FILIP1: variants seen among roughly 807,000 people sequenced by gnomAD.
The protein encoded by FILIP1 is filamin A interacting protein 1.
FILIP1 carries 61 observed loss-of-function variants against 102.1 expected under a neutral mutation model. The ratio of observed to expected loss-of-function variants is 0.60; its 90% CI spans 0.49 to 0.74. The LOEUF (loss-of-function observed/expected upper bound fraction) is 0.74, where lower values mean the gene tolerates loss of function less well. Ranked by LOEUF, FILIP1 falls within the 30% of genes least tolerant of loss-of-function variation. The pLI, the probability that FILIP1 is intolerant of heterozygous loss-of-function variation, is 0.00. For missense variants in FILIP1, 1,314 were observed against 1,441.2 expected, an observed-to-expected ratio of 0.91 and a Z score of 1.43; for synonymous variants, 491 against 526.9, an observed-to-expected ratio of 0.93 and a Z score of 0.93.
chr6:75,297,330 A>C (rs542514239), intron 6 of FILIP1, among the ~76,000 whole-genome samples: 1 of 152,286 alleles, frequency 6.6e-6, no homozygotes, highest in South Asian at 2.1e-4. Context: ...ATTACCTGCC[A>C]AAAAGAAAAT....
At chr6:75,296,023 A>C (rs763735390) in intron 6 of FILIP1, 1 of 1,039,914 alleles carries the variant, frequency 9.6e-7, no homozygotes, top group Non-Finnish European at 1.3e-6. Flanking sequence ...ATTTCACTAA[A>C]AGATCATAGA....
intron 1 of FILIP1, among the ~76,000 whole-genome samples, chr6:75,484,143 C>T (rs190685298): frequency 4.1e-4 from 62 of 152,016 alleles, no homozygotes; most frequent in African/African-American, 1.4e-3. Flanking sequence ...AGAAAGGGAC[C>T]CAGAAAGTAA....
intron 1 of FILIP1, among the ~76,000 whole-genome samples, chr6:75,493,010 C>A (rs542947524): frequency 6.6e-6 from 1 of 152,334 alleles, no homozygotes; most frequent in South Asian, 2.1e-4. Flanking sequence ...TTACCAAACA[C>A]AAGCTGCTTA....
chr6:75,351,566 T>C (rs1404477698), intron 4 of FILIP1, among the ~76,000 whole-genome samples: 1 of 152,218 alleles, frequency 6.6e-6, no homozygotes, highest in South Asian at 2.1e-4. Flanking sequence ...TTACCTTTGA[T>C]ATGTTTAGAT....
chr6:75,384,778 C>T (rs1470003164), intron 2 of FILIP1: 1 of 145,744 alleles, frequency 6.9e-6, no homozygotes, highest in Admixed American at 6.9e-5. Context: ...TTTAGAACAA[C>T]AAAAAAATTT....
chr6:75,460,833 G>A (rs1779000743), intron 1 of FILIP1, among the ~76,000 whole-genome samples: 2 of 152,244 alleles, frequency 1.3e-5, no homozygotes, highest in South Asian at 4.1e-4. Context: ...CAGAATACTT[G>A]TTAGCTTTGT....
Position 75,314,208 on chromosome 6 carries a change from C to T in FILIP1, c.1624G>A (p.Asp542Asn). The part of the protein sequence containing the change: ...NFKVEQGKVM[D>N]VTEKLIEESK... ...TCTTCAATTAGTTTTTCAGTTACAT[C>T]CATAACTTTTCCTTGTTCCACCTTA... The change falls in exon 5 of 6, where the codon GAT becomes AAT. Residue 542 changes from aspartate to asparagine, a missense_variant. This residue lies in a region of FILIP1 where 816 missense variants were observed against 913.1 expected (regional missense o/e 0.89). Coordinates refer to ENST00000237172, the MANE Select transcript of FILIP1 (RefSeq NM_015687.5). 6.4e-7 allele frequency: 1 copy of T among 1,561,358 alleles called. No homozygotes were observed. Among genetic ancestry groups the T allele is most frequent in the East Asian group, 2.3e-5 (1 of 42,826 alleles).
intron 4 of FILIP1, among the ~76,000 whole-genome samples, chr6:75,352,878 A>T (rs1774858424): frequency 6.6e-6 from 1 of 151,056 alleles, no homozygotes; most frequent in South Asian, 2.1e-4. Context: ...ATTTAAATGT[A>T]AGTGCTTCAT....
At chr6:75,421,506 C>CAA (rs1351715344) in intron 1 of FILIP1, among the ~76,000 whole-genome samples, 1 of 152,112 alleles carries the variant, frequency 6.6e-6, no homozygotes, top group African/African-American at 2.4e-5. Flanking sequence ...CCGGATCCCT[C>CAA]AAACTTGAGG....
At chr6:75,299,416 T>TA (rs1385953151) in intron 6 of FILIP1, among the ~76,000 whole-genome samples, 1 of 152,198 alleles carries the variant, frequency 6.6e-6, no homozygotes. Context: ...CATAGATAAT[T>TA]ACCACCTCTG....
At chr6:75,376,950 T>C (rs1156385114) in intron 2 of FILIP1, among the ~76,000 whole-genome samples, 2 of 152,216 alleles carry the variant, frequency 1.3e-5, no homozygotes, top group Non-Finnish European at 2.9e-5. Flanking sequence ...CAAAAGATTA[T>C]ATTACAGCAG....
At position 75,485,787 on chromosome 6, in the gene FILIP1, G is replaced by A. The variant is rs558231136; in HGVS notation, c.-7+7627C>T. Among the ~76,000 whole-genome samples, 4 of 152,100 alleles carry A rather than the reference G, an allele frequency of 2.6e-5. No individual in the cohort carries two copies. The East Asian group carries it at 7.7e-4, about 29-fold the overall frequency. On this transcript the variant is annotated intron_variant, in intron 1 of 5. Transcript: ENST00000237172. ...GCCTCTGATCCATAGTAGCAAAATG[G>A]CTGAAAAGCGTCAGGCAATTTTTCT...
chr6:75,341,483 C>T (rs1774419173), intron 4 of FILIP1, among the ~76,000 whole-genome samples: 1 of 151,970 alleles, frequency 6.6e-6, no homozygotes, highest in Admixed American at 6.6e-5. Context: ...ATGTTGAGTC[C>T]TCCAGTCTTA....
intron 1 of FILIP1, among the ~76,000 whole-genome samples, chr6:75,424,543 T>C (rs1056913301): frequency 6.6e-6 from 1 of 152,144 alleles, no homozygotes; most frequent in Admixed American, 6.6e-5. Context: ...CAGAAACATT[T>C]TATGACAACT....
intron 1 of FILIP1, among the ~76,000 whole-genome samples, chr6:75,420,885 C>A (rs1254378246): frequency 6.6e-6 from 1 of 152,076 alleles, no homozygotes. Flanking sequence ...CATTGAAATA[C>A]CAATTGATAG....
chr6:75,356,180 G>A (rs563305802), intron 3 of FILIP1, among the ~76,000 whole-genome samples: 1 of 152,330 alleles, frequency 6.6e-6, no homozygotes, highest in South Asian at 2.1e-4. Flanking sequence ...CAGGGTCTCA[G>A]CATCAGAGCT....
At chr6:75,372,663 A>G (rs1775572605) in intron 2 of FILIP1, among the ~76,000 whole-genome samples, 1 of 67,390 alleles carries the variant, frequency 1.5e-5, no homozygotes, top group Admixed American at 1.5e-4. Context: ...GAAAGAAAGA[A>G]AGAAAGAAAG....
At chr6:75,402,955 T>G (rs1480319986) in intron 2 of FILIP1, among the ~76,000 whole-genome samples, 1 of 152,148 alleles carries the variant, frequency 6.6e-6, no homozygotes, top group East Asian at 1.9e-4. Flanking sequence ...CAGTTACTAA[T>G]AGAGTAACAA....
At chr6:75,419,681 A>G (rs1195761792) in intron 1 of FILIP1, among the ~76,000 whole-genome samples, 1 of 152,156 alleles carries the variant, frequency 6.6e-6, no homozygotes, top group Non-Finnish European at 1.5e-5. Context: ...ACTCAAAAAG[A>G]AAACATCTGT....
Sources: allele counts gnomAD v4.1 joint callset (sites outside exome capture counted in the v4.1 genomes callset), GRCh38; gene constraint gnomAD v4.1.1; regional missense constraint gnomAD v4.1.1; transcripts MANE v1.5; gene names NCBI Gene and HGNC (gene_info 2026-07-23, HGNC 2026-07-21).